UPP2: variants seen among roughly 807,000 people sequenced by gnomAD.
The protein encoded by UPP2 is uridine phosphorylase 2, also known as UPase 2.
In UPP2, 23 loss-of-function variants were observed where a neutral mutation model predicts 26.7. The ratio of observed to expected loss-of-function variants is 0.86; its 90% CI spans 0.62 to 1.22. The LOEUF (loss-of-function observed/expected upper bound fraction) is 1.22. Ranked by LOEUF, UPP2 falls within the 50% of genes most tolerant of loss-of-function variation. UPP2 has a pLI of 0.00. For missense variants in UPP2, 387 were observed against 396.7 expected (o/e 0.98, Z 0.21); for synonymous variants, 127 against 141.3 (o/e 0.90, Z 0.72).
intron 2 of UPP2, among the ~76,000 whole-genome samples, chr2:158,008,330 C>T (rs1041514803): frequency 6.6e-5 from 10 of 152,066 alleles, no homozygotes; most frequent in African/African-American, 2.4e-4. Context: ...CAATAATTAC[C>T]TTTTGGAATG....
In UPP2 at chr2:158,024,378, G is replaced by GAT. The variant is rs768526894; in HGVS notation, c.147+8493_147+8494dup. Among the ~76,000 whole-genome samples the GAT allele has an allele frequency of 6.6e-5, 10 of 152,290 alleles. No homozygotes were observed. The South Asian group carries it at 8.3e-4, about 13-fold the overall frequency. On this transcript the variant is annotated intron_variant, in intron 3 of 9. Coordinates refer to the UPP2 transcript ENST00000605860. ...TACAAGTTGACCTGTAGAGGAGCAG[G>GAT]ATTGGGATGTAAACTGCATGGGAAA... is the stretch of plus-strand genomic sequence containing the variant.
At chr2:158,125,446 C>T (rs1452284192) in intron 6 of UPP2, among the ~76,000 whole-genome samples, 2 of 148,824 alleles carry the variant, frequency 1.3e-5, no homozygotes, top group East Asian at 3.9e-4. Flanking sequence ...GAGACAGAGT[C>T]TCCCTCTGTT....
At chr2:158,039,444 C>G (rs1028888880) in intron 3 of UPP2, among the ~76,000 whole-genome samples, 5 of 152,162 alleles carry the variant, frequency 3.3e-5, no homozygotes, top group Non-Finnish European at 7.3e-5. Context: ...TTCATTTAAT[C>G]CTTATAACCA....
chr2:158,045,659 G>T (rs894162673), intron 3 of UPP2, among the ~76,000 whole-genome samples: 1 of 152,186 alleles, frequency 6.6e-6, no homozygotes, highest in Admixed American at 6.5e-5. Flanking sequence ...GTGCTCCAGT[G>T]ATGTAGATTC....
chr2:158,110,668 C>T (rs1047816946), intron 2 of UPP2, among the ~76,000 whole-genome samples: 1 of 152,168 alleles, frequency 6.6e-6, no homozygotes, highest in East Asian at 1.9e-4. Flanking sequence ...ACATCCTCTC[C>T]AGCATCTGTT....
intron 3 of UPP2, among the ~76,000 whole-genome samples, chr2:158,027,878 A>G (rs1683860012): frequency 6.6e-6 from 1 of 152,184 alleles, no homozygotes; most frequent in South Asian, 2.1e-4. Context: ...TGGGGCTTGT[A>G]TCCTCTAAAG....
chr2:158,007,238 T>C (rs985024208), intron 2 of UPP2, among the ~76,000 whole-genome samples: 3 of 152,190 alleles, frequency 2.0e-5, no homozygotes, highest in African/African-American at 7.2e-5. Flanking sequence ...TTATACTCAG[T>C]TGACAAGTGA....
At chr2:158,066,981 A>G (rs1682446074) in intron 3 of UPP2, among the ~76,000 whole-genome samples, 1 of 152,182 alleles carries the variant, frequency 6.6e-6, no homozygotes, top group African/African-American at 2.4e-5. Context: ...TAATCATAAA[A>G]TTTCTAAAAT....
intron 3 of UPP2, among the ~76,000 whole-genome samples, chr2:158,083,790 G>A (rs1279717618): frequency 6.7e-5 from 10 of 148,594 alleles, no homozygotes; most frequent in African/African-American, 2.5e-4. Flanking sequence ...GTATTCCATG[G>A]TGTATATATA....
At chr2:158,002,787 G>A (rs1428100744) in intron 2 of UPP2, among the ~76,000 whole-genome samples, 1 of 152,206 alleles carries the variant, frequency 6.6e-6, no homozygotes, top group Non-Finnish European at 1.5e-5. Flanking sequence ...TGTGCTGTTT[G>A]CATTTCCTGA....
chr2:158,132,109 C>T (rs1440610909), intron 6 of UPP2, among the ~76,000 whole-genome samples: 1 of 152,236 alleles, frequency 6.6e-6, no homozygotes, highest in Non-Finnish European at 1.5e-5. Context: ...ACTTGAAAAG[C>T]TGTGGGAAGT....
chr2:158,057,461 C>T (rs1026897807), intron 3 of UPP2, among the ~76,000 whole-genome samples: 1 of 152,142 alleles, frequency 6.6e-6, no homozygotes, highest in Admixed American at 6.5e-5. Context: ...TAATCCATTA[C>T]TACTCTATTT....
chr2:158,103,503 T>C (rs10211674), intron 1 of UPP2, among the ~76,000 whole-genome samples: 2,226 of 152,188 alleles, frequency 0.015, 60 homozygotes, highest in African/African-American at 0.05. Flanking sequence ...GTGCCCCTGG[T>C]GGTTCTGATA....
chr2:158,097,529 T>C (rs148452131), upstream of UPP2, among the ~76,000 whole-genome samples: 1 of 152,332 alleles, frequency 6.6e-6, no homozygotes, highest in African/African-American at 2.4e-5. Flanking sequence ...CATTGTTTTG[T>C]ATTTCTAAAT....
chr2:158,115,349 G>C, intron 3 of UPP2, 90 bp downstream of exon 3: 1 of 1,433,320 alleles, frequency 7.0e-7, no homozygotes, highest in Non-Finnish European at 9.2e-7. Context: ...TTTCCCTCCA[G>C]CTTCGCATTC....
intron 2 of UPP2, among the ~76,000 whole-genome samples, chr2:158,001,540 G>C (rs551565014): frequency 6.6e-6 from 1 of 152,250 alleles, no homozygotes; most frequent in African/African-American, 2.4e-5. Context: ...GTGCAAAAGA[G>C]CCTGTTTATA....
At chr2:158,016,731 C>T (rs1032669180) in intron 3 of UPP2, among the ~76,000 whole-genome samples, 1 of 151,986 alleles carries the variant, frequency 6.6e-6, no homozygotes, top group Admixed American at 6.6e-5. Context: ...ATTGTTAATC[C>T]TTTTCTATAA....
intron 3 of UPP2, among the ~76,000 whole-genome samples, chr2:158,024,308 G>A (rs1413450170): frequency 2.6e-5 from 4 of 152,188 alleles, no homozygotes; most frequent in Admixed American, 6.5e-5. Context: ...ACCCACTGAG[G>A]CCATTTAGAA....
intron 3 of UPP2, among the ~76,000 whole-genome samples, chr2:158,050,268 C>T (rs933436803): frequency 2.6e-5 from 4 of 152,082 alleles, no homozygotes; most frequent in African/African-American, 7.2e-5. Context: ...TTCTCTTCTG[C>T]ATTTTTAAGA....
Sources: allele counts gnomAD v4.1 joint callset (sites outside exome capture counted in the v4.1 genomes callset), GRCh38; gene constraint gnomAD v4.1.1; transcripts MANE v1.5; gene names NCBI Gene and HGNC (gene_info 2026-07-23, HGNC 2026-07-21).